The following MEGF10 variants were observed in gnomAD, a reference collection of about 807,000 sequenced individuals.
MEGF10 encodes the protein multiple EGF like domains 10, also known as multiple epidermal growth factor-like domains protein 10.
Under a neutral mutation model 147.5 loss-of-function variants are expected in MEGF10, and 86 were observed. That is an observed-to-expected ratio of 0.58 (90% CI 0.49 to 0.70). The LOEUF (loss-of-function observed/expected upper bound fraction) is 0.70. Among genes scored for constraint, MEGF10 ranks in the 30% least tolerant of loss-of-function variants. MEGF10 has a pLI of 0.00. For synonymous variants in MEGF10, 478 were observed against 525.5 expected (o/e 0.91, Z 1.24); for missense variants, 1,329 against 1,487.3 (o/e 0.89, Z 1.75).
At chr5:127,447,503 TCACACACA>T in intron 20 of MEGF10, 46 bp from the exon 21 acceptor site, 1 of 1,608,378 alleles carries the variant, frequency 6.2e-7, no homozygotes, top group Non-Finnish European at 8.5e-7. Context: ...TTCCCTTTTT[TCACACACA>T]TTTATGGGAG....
At chr5:127,252,967 G>A in the MEGF10 span, among the ~76,000 whole-genome samples, 2 of 151,682 alleles carry the variant, frequency 1.3e-5, no homozygotes, top group Non-Finnish European at 3.0e-5. Flanking sequence ...TAATCATGAA[G>A]CCAAATTTGA....
At chr5:127,443,592 T>G (rs1034254720) in intron 19 of MEGF10, among the ~76,000 whole-genome samples, 3 of 152,172 alleles carry the variant, frequency 2.0e-5, no homozygotes, top group Non-Finnish European at 4.4e-5. Flanking sequence ...CCTCCCTACT[T>G]CTACCACCCC....
At chr5:127,275,457 T>C in the MEGF10 span, among the ~76,000 whole-genome samples, 1 of 152,070 alleles carries the variant, frequency 6.6e-6, no homozygotes, top group Non-Finnish European at 1.5e-5. Context: ...AGCCCCAAGA[T>C]GGGTGGAATG....
At chr5:127,390,387 T>A (rs1320178660) in intron 5 of MEGF10, among the ~76,000 whole-genome samples, 1 of 152,080 alleles carries the variant, frequency 6.6e-6, no homozygotes, top group Non-Finnish European at 1.5e-5. Context: ...CCTCCTGGGC[T>A]CAAGTGATCC....
At chr5:127,321,165 A>G (rs1023099839) in intron 1 of MEGF10, among the ~76,000 whole-genome samples, 4 of 152,184 alleles carry the variant, frequency 2.6e-5, no homozygotes, top group African/African-American at 7.2e-5. Flanking sequence ...AGCCACCTAC[A>G]AATGAGCTCT....
chr5:127,450,575 G>C (rs1766117302), intron 22 of MEGF10, among the ~76,000 whole-genome samples: 1 of 152,116 alleles, frequency 6.6e-6, no homozygotes, highest in African/African-American at 2.4e-5. Context: ...TTATTTGGAG[G>C]TAGGTGCCAG....
chr5:127,377,782 C>A (rs1027737844), intron 5 of MEGF10, among the ~76,000 whole-genome samples: 1 of 152,142 alleles, frequency 6.6e-6, no homozygotes, highest in Non-Finnish European at 1.5e-5. Flanking sequence ...ATGCTGTCTG[C>A]GGAGAGTAGA....
At chr5:127,398,279 G>A (rs1472391301) in intron 6 of MEGF10, among the ~76,000 whole-genome samples, 2 of 152,030 alleles carry the variant, frequency 1.3e-5, no homozygotes, top group Admixed American at 6.5e-5. Context: ...CACAAAGGGT[G>A]TGATGTGCAA....
the MEGF10 span, among the ~76,000 whole-genome samples, chr5:127,275,585 G>A: frequency 4.6e-5 from 7 of 151,462 alleles, no homozygotes; most frequent in African/African-American, 1.5e-4. Flanking sequence ...TTTCGAATTC[G>A]AAGATCATGT....
the MEGF10 span, among the ~76,000 whole-genome samples, chr5:127,239,009 C>T: frequency 1.3e-5 from 2 of 151,614 alleles, no homozygotes; most frequent in African/African-American, 2.4e-5. Flanking sequence ...ATCACCTATG[C>T]GATAGTACTG....
the MEGF10 span, among the ~76,000 whole-genome samples, chr5:127,259,760 C>A: frequency 6.6e-6 from 1 of 152,130 alleles, no homozygotes; most frequent in South Asian, 2.1e-4. Context: ...AGAGAGACTG[C>A]CGTGTCATGG....
chr5:127,235,226 C>T, the MEGF10 span, among the ~76,000 whole-genome samples: 1 of 142,694 alleles, frequency 7.0e-6, no homozygotes, highest in African/African-American at 2.7e-5. Context: ...AGAATAAGAA[C>T]TAGTTTCACA....
At chr5:127,447,854 C>G (rs1380209107) in intron 21 of MEGF10, among the ~76,000 whole-genome samples, 170 bp downstream of exon 21, 1 of 152,188 alleles carries the variant, frequency 6.6e-6, no homozygotes, top group African/African-American at 2.4e-5. Flanking sequence ...CTCAAGTTTA[C>G]TGATGAAAAC....
chr5:127,412,101 G>T (rs533011875), intron 9 of MEGF10, among the ~76,000 whole-genome samples: 4 of 152,322 alleles, frequency 2.6e-5, no homozygotes, highest in African/African-American at 9.6e-5. Context: ...TTTGACATAG[G>T]TCATATGTAC....
chr5:127,405,646 G>A (rs1319444887), intron 8 of MEGF10, among the ~76,000 whole-genome samples: 2 of 152,046 alleles, frequency 1.3e-5, no homozygotes, highest in Non-Finnish European at 2.9e-5. Flanking sequence ...CCAAATTAAT[G>A]TTGACAAACA....
At chr5:127,403,290 T>C (rs1415863519) in intron 8 of MEGF10, among the ~76,000 whole-genome samples, 1 of 152,152 alleles carries the variant, frequency 6.6e-6, no homozygotes, top group Non-Finnish European at 1.5e-5. Context: ...TCTTTAATTT[T>C]TTTATTTTTA....
chr5:127,325,709 A>G lies in MEGF10; in HGVS notation c.-18-5582A>G, dbSNP rs571771579. Among the ~76,000 whole-genome samples the G allele has an allele frequency of 5.3e-5, 8 of 151,928 alleles. No individual in the cohort carries two copies. In the East Asian group the frequency reaches 7.8e-4, roughly 15 times the overall value. ...ACTTGCCCAGTTTTTGTTTGATGTG[A>G]AGTGCCCAAAGAATTAGAACCATTA... is the stretch of plus-strand genomic sequence containing the variant. On this transcript the variant is annotated intron_variant, in intron 1 of 24. Coordinates refer to ENST00000503335, the MANE Select transcript of MEGF10 (RefSeq NM_001256545.2).
rs560289413 is a variant in MEGF10 at position 127,428,900 on chromosome 5, A to G, written c.1694-4463A>G. 3.2e-3 allele frequency among the ~76,000 whole-genome samples: 495 copies of G among 152,338 alleles called. 3 individuals are homozygous for G. Among genetic ancestry groups the G allele is most frequent in the African/African-American group, 0.011 (470 of 41,580 alleles). On this transcript the variant is annotated intron_variant, in intron 13 of 24. Transcript: ENST00000503335. ...ATTGAGGCCGCTGGCATAATGCATC[A>G]GGCATTAATTGCACGAACATTTCTT... is the stretch of plus-strand genomic sequence containing the variant.
intron 4 of MEGF10, among the ~76,000 whole-genome samples, chr5:127,355,580 C>CCA (rs1233623002): frequency 6.6e-6 from 1 of 152,164 alleles, no homozygotes; most frequent in African/African-American, 2.4e-5. Flanking sequence ...GGCCTTTTGT[C>CCA]CACATACCGT....
Sources: allele counts gnomAD v4.1 joint callset (sites outside exome capture counted in the v4.1 genomes callset), GRCh38; gene constraint gnomAD v4.1.1; transcripts MANE v1.5; gene names NCBI Gene and HGNC (gene_info 2026-07-23, HGNC 2026-07-21).